TACC2: variants seen among roughly 807,000 people sequenced by gnomAD.
TACC2 encodes transforming acidic coiled-coil containing protein 2, also known as transforming acidic coiled-coil-containing protein 2.
TACC2 carries 137 observed loss-of-function variants against 227.3 expected under a neutral mutation model. The observed-to-expected ratio is 0.60, with a 90% CI of 0.52 to 0.69. The LOEUF (loss-of-function observed/expected upper bound fraction) is 0.69, where lower values mean the gene tolerates loss of function less well. TACC2 is among the 30% of genes least tolerant of loss of function. TACC2 has a pLI of 0.00. For missense variants in TACC2, 3,470 were observed against 3,694.4 expected, an observed-to-expected ratio of 0.94 and a Z score of 1.57; for synonymous variants, 1,523 against 1,487.5, an observed-to-expected ratio of 1.02 and a Z score of -0.55.
At chr10:122,204,733 G>A (rs1259577242) in intron 8 of TACC2, among the ~76,000 whole-genome samples, 1 of 152,094 alleles carries the variant, frequency 6.6e-6, no homozygotes, top group Admixed American at 6.5e-5. Flanking sequence ...TTAGGAGGGT[G>A]AAGCCAGAGG....
chr10:122,037,983 A>G (rs78769846), intron 2 of TACC2, among the ~76,000 whole-genome samples: 5,481 of 152,266 alleles, frequency 0.036, 147 homozygotes, highest in East Asian at 0.15. Context: ...TGCACTCAGT[A>G]GCACTGTAAC....
At chr10:122,213,202 G>C in intron 9 of TACC2, 1 of 795,704 alleles carries the variant, frequency 1.3e-6, no homozygotes, top group Non-Finnish European at 2.1e-6. Flanking sequence ...TTCCCCAGCA[G>C]CTCCTTCCAA....
chr10:122,006,181 G>T (rs1955104371), intron 1 of TACC2, among the ~76,000 whole-genome samples: 1 of 152,056 alleles, frequency 6.6e-6, no homozygotes, highest in African/African-American at 2.4e-5. Flanking sequence ...AGGCACGGTG[G>T]CTCAAGCCTA....
In TACC2 at chr10:122,085,870, G is replaced by C. The variant is rs748012977; in HGVS notation, c.3370G>C (p.Gly1124Arg). Residue 1124 changes from glycine to arginine, a missense_variant, in exon 4 of 23, where the codon GGT becomes CGT. Gly to Arg is a moderately radical substitution (Grantham distance 125). Around this residue, in one of 10 missense-constraint regions of TACC2, gnomAD observed 1,924 missense variants for 1,978.3 expected, o/e 0.97. Transcript: ENST00000369005. ...AAGTTTCCCATCAGCTGGGGAGCAA[G>C]GTGGTGAAGCCGGGGCTGCTGAGAC... is the stretch of plus-strand genomic sequence containing the variant. The part of the protein sequence containing the change: ...LASFPSAGEQ[G>R]GEAGAAETGG... 6.2e-7 allele frequency: 1 copy of C among 1,613,390 alleles called. No homozygotes were observed. Among genetic ancestry groups the C allele is most frequent in the Admixed American group, 1.7e-5 (1 of 59,938 alleles).
chr10:122,041,313 C>T (rs1591372789), intron 2 of TACC2, among the ~76,000 whole-genome samples: 2 of 128,844 alleles, frequency 1.6e-5, no homozygotes, highest in Middle Eastern at 3.8e-3. Flanking sequence ...GAGCATTTCC[C>T]AATATTCCAC....
At chr10:122,032,729 G>A (rs1373612393) in intron 2 of TACC2, among the ~76,000 whole-genome samples, 1 of 152,154 alleles carries the variant, frequency 6.6e-6, no homozygotes, top group Non-Finnish European at 1.5e-5. Flanking sequence ...GGAGACCGAG[G>A]TGGGTGATCA....
chr10:122,024,616 A>C (rs944744289), intron 2 of TACC2, among the ~76,000 whole-genome samples: 1 of 152,104 alleles, frequency 6.6e-6, no homozygotes, highest in Admixed American at 6.5e-5. Context: ...CTATTTCTAT[A>C]ATTTTATCAT....
chr10:122,137,375 C>T, intron 6 of TACC2, among the ~76,000 whole-genome samples: 1 of 151,566 alleles, frequency 6.6e-6, no homozygotes, highest in East Asian at 1.9e-4. Context: ...CCCAGCTACT[C>T]AGGAGGCTGG....
rs1280958609 is a variant in TACC2, at chr10:122,107,862, T to TTA, written c.5573+19289_5573+19290dup. Reference sequence around the variant, plus strand: ...CTTTCCCCCAAGACCCCAAAGTCCATTATATATATATATATATATTTTTTT... The same window carrying TTA: ...CTTTCCCCCAAGACCCCAAAGTCCATTATATATATATATATATATATTTTTTT... On this transcript the variant is annotated intron_variant, in intron 5 of 22. Coordinates refer to ENST00000369005, the MANE Select transcript of TACC2 (RefSeq NM_206862.4). 4.2e-3 allele frequency among the ~76,000 whole-genome samples: 490 copies of TTA among 116,412 alleles called. 2 individuals carry two copies. Among genetic ancestry groups the TTA allele is most frequent in the Non-Finnish European group, 6.7e-3 (384 of 57,060 alleles). 76.4% of individuals were successfully genotyped at this position (116,412 alleles called of 152,430 possible). A position where few individuals can be genotyped will look rare whatever the true frequency, so the allele number is the denominator to read the frequency against.
intron 5 of TACC2, among the ~76,000 whole-genome samples, chr10:122,110,294 C>T (rs141809593): frequency 6.6e-4 from 100 of 152,318 alleles, no homozygotes; most frequent in African/African-American, 2.3e-3. Flanking sequence ...TGCATCTTTC[C>T]TCCTCTGTAC....
At chr10:121,997,725 T>C (rs1953724372) in intron 1 of TACC2, among the ~76,000 whole-genome samples, 1 of 152,144 alleles carries the variant, frequency 6.6e-6, no homozygotes, top group Admixed American at 6.6e-5. Flanking sequence ...GGCACATGCT[T>C]AACGGCCAGG....
At chr10:121,999,498 G>A (rs532176888) in intron 1 of TACC2, among the ~76,000 whole-genome samples, 29 of 152,356 alleles carry the variant, frequency 1.9e-4, no homozygotes, top group African/African-American at 6.7e-4. Flanking sequence ...TTGGTCACAA[G>A]CTCATCGCCA....
intron 5 of TACC2, among the ~76,000 whole-genome samples, chr10:122,092,015 G>A (rs762267587): frequency 5.9e-5 from 9 of 152,224 alleles, no homozygotes; most frequent in African/African-American, 1.7e-4. Flanking sequence ...TGATTCAAGC[G>A]CTGGAGCGTG....
At chr10:122,208,957 C>T (rs11200482) in intron 8 of TACC2, among the ~76,000 whole-genome samples, 12,770 of 152,278 alleles carry the variant, frequency 0.084, 950 homozygotes, top group East Asian at 0.29. Context: ...TGAAAGATGC[C>T]GCTGGGTGCC....
At chr10:122,042,078 T>C (rs1015550285) in intron 2 of TACC2, among the ~76,000 whole-genome samples, 4 of 152,154 alleles carry the variant, frequency 2.6e-5, no homozygotes, top group Non-Finnish European at 5.9e-5. Flanking sequence ...CCCGAGTAGC[T>C]GGGACCACAG....
chr10:122,001,957 C>T (rs771719097), intron 1 of TACC2, among the ~76,000 whole-genome samples: 2 of 152,084 alleles, frequency 1.3e-5, no homozygotes, highest in Non-Finnish European at 2.9e-5. Flanking sequence ...ATTATTTTTC[C>T]TCTTGATTAT....
At chr10:122,197,841 C>G (rs2094626503) in intron 8 of TACC2, among the ~76,000 whole-genome samples, 1 of 152,182 alleles carries the variant, frequency 6.6e-6, no homozygotes, top group East Asian at 1.9e-4. Context: ...AAACCGCCTC[C>G]CAGGCGGAGG....
At chr10:122,140,853 G>A (rs1409758900) in intron 6 of TACC2, among the ~76,000 whole-genome samples, 3 of 152,192 alleles carry the variant, frequency 2.0e-5, no homozygotes, top group Admixed American at 2.0e-4. Flanking sequence ...GAGTTCAAGG[G>A]ACCTTGACTA....
intron 1 of TACC2, among the ~76,000 whole-genome samples, chr10:122,001,381 T>C (rs2135084468): frequency 6.6e-6 from 1 of 152,024 alleles, no homozygotes; most frequent in Non-Finnish European, 1.5e-5. Flanking sequence ...CTTCCCTTTA[T>C]AAAACCATCA....
Sources: gnomAD v4.1 joint callset for allele counts (sites outside exome capture counted in the v4.1 genomes callset) on GRCh38, gnomAD v4.1.1 for gene constraint, gnomAD v4.1.1 regional missense constraint, MANE v1.5 for transcripts, NCBI Gene and HGNC (gene_info 2026-07-23, HGNC 2026-07-21) for gene names.